The following GLIS3 variants were observed in gnomAD, a reference collection of about 807,000 sequenced individuals.
GLIS3 encodes zinc finger protein GLIS3.
In GLIS3, 53 loss-of-function variants were observed where a neutral mutation model predicts 78.6. The ratio of observed to expected loss-of-function variants is 0.67; its 90% CI spans 0.54 to 0.85. The LOEUF (loss-of-function observed/expected upper bound fraction) is 0.85. GLIS3 is among the 40% of genes least tolerant of loss of function. The pLI is 0.00. For synonymous variants in GLIS3, 684 were observed against 509.9 expected, an observed-to-expected ratio of 1.34 and a Z score of -4.60; for missense variants, 1,703 against 1,231.1, an observed-to-expected ratio of 1.38 and a Z score of -5.74.
the GLIS3 span, among the ~76,000 whole-genome samples, chr9:4,386,765 A>G: frequency 6.6e-6 from 1 of 152,186 alleles, no homozygotes; most frequent in African/African-American, 2.4e-5. Flanking sequence ...CCCAATGGAG[A>G]GGATATTCCT....
chr9:4,020,321 G>GT (rs1325059782), intron 4 of GLIS3, among the ~76,000 whole-genome samples: 3 of 151,974 alleles, frequency 2.0e-5, no homozygotes, highest in Non-Finnish European at 4.4e-5. Context: ...GTTTTGTTTT[G>GT]TTTTTTTCTT....
At chr9:3,892,726 T>C (rs1467131142) in intron 7 of GLIS3, among the ~76,000 whole-genome samples, 2 of 152,172 alleles carry the variant, frequency 1.3e-5, no homozygotes, top group Non-Finnish European at 1.5e-5. Flanking sequence ...TATGTTTTTC[T>C]TTCCTTGGAA....
chr9:4,417,070 A>G, the GLIS3 span, among the ~76,000 whole-genome samples: 1 of 152,170 alleles, frequency 6.6e-6, no homozygotes, highest in Non-Finnish European at 1.5e-5. Context: ...ACATGAGTTT[A>G]GAGTTTATCA....
At chr9:3,946,416 G>C (rs951961956) in intron 4 of GLIS3, among the ~76,000 whole-genome samples, 1 of 152,154 alleles carries the variant, frequency 6.6e-6, no homozygotes, top group Non-Finnish European at 1.5e-5. Context: ...GCTCATTAAG[G>C]CTTTTTAATT....
intron 2 of GLIS3, among the ~76,000 whole-genome samples, chr9:4,275,237 T>C (rs1488799586): frequency 6.6e-6 from 1 of 152,204 alleles, no homozygotes; most frequent in African/African-American, 2.4e-5. Context: ...AGGGGCCAAC[T>C]GTTGAAAAAA....
At chr9:3,932,932 A>C (rs1465976008) in intron 5 of GLIS3, 5 of 304,542 alleles carry the variant, frequency 1.6e-5, no homozygotes, top group Non-Finnish European at 2.6e-5. Context: ...ATTCAGAAAG[A>C]GAAAGGGAGA....
intron 2 of GLIS3, among the ~76,000 whole-genome samples, chr9:4,280,273 G>C (rs554583646): frequency 6.6e-6 from 1 of 152,326 alleles, no homozygotes; most frequent in East Asian, 1.9e-4. Flanking sequence ...TCCGCCCACC[G>C]TGGCATCCCA....
intron 4 of GLIS3, among the ~76,000 whole-genome samples, chr9:3,941,089 T>C (rs1013256645): frequency 6.6e-6 from 1 of 152,200 alleles, no homozygotes; most frequent in Non-Finnish European, 1.5e-5. Context: ...GATTCTGATA[T>C]TCTGATGAAC....
intron 4 of GLIS3, among the ~76,000 whole-genome samples, chr9:4,047,739 A>C (rs1282873881): frequency 1.3e-5 from 2 of 152,246 alleles, no homozygotes; most frequent in African/African-American, 4.8e-5. Context: ...ATGCCAGCAC[A>C]GAAAAGGGAA....
At chr9:3,989,305 G>A (rs1025723050) in intron 4 of GLIS3, among the ~76,000 whole-genome samples, 1 of 152,150 alleles carries the variant, frequency 6.6e-6, no homozygotes, top group East Asian at 1.9e-4. Flanking sequence ...TGACAGAAAT[G>A]TAAAAAGGTA....
At chr9:3,959,826 C>T (rs1232866706) in intron 4 of GLIS3, among the ~76,000 whole-genome samples, 1 of 152,164 alleles carries the variant, frequency 6.6e-6, no homozygotes, top group African/African-American at 2.4e-5. Context: ...TAGGGTGGAT[C>T]CTAATCCAAT....
At chr9:3,867,252 T>C (rs920359365) in intron 8 of GLIS3, among the ~76,000 whole-genome samples, 5 of 152,258 alleles carry the variant, frequency 3.3e-5, no homozygotes, top group African/African-American at 1.2e-4. Flanking sequence ...TTGCTGTTGT[T>C]ATTTTATCTT....
chr9:4,212,952 T>C (rs374841516), intron 2 of GLIS3, among the ~76,000 whole-genome samples: 16 of 152,252 alleles, frequency 1.1e-4, no homozygotes, highest in African/African-American at 3.9e-4. Context: ...TGGAGATGAA[T>C]GGAAGAAGCC....
chr9:4,311,380 G>C (rs1817353694), intron 2 of GLIS3, among the ~76,000 whole-genome samples: 1 of 152,226 alleles, frequency 6.6e-6, no homozygotes, highest in Admixed American at 6.5e-5. Flanking sequence ...CTACACTCCA[G>C]CCTAGGTGAC....
the GLIS3 span, among the ~76,000 whole-genome samples, chr9:4,426,327 T>C: frequency 5.9e-5 from 9 of 152,190 alleles, no homozygotes; most frequent in South Asian, 1.9e-3. Context: ...CCCCACCTCC[T>C]GCTCCAAAGG....
chr9:4,154,050 T>C lies in GLIS3; in HGVS notation c.389-28109A>G, dbSNP rs987270750. Among the ~76,000 whole-genome samples, 11 of 152,180 alleles carry C rather than the reference T, an allele frequency of 7.2e-5. 1 individual carries two copies. The South Asian group carries it at 2.3e-3, about 32-fold the overall frequency. On this transcript the variant is annotated intron_variant, in intron 2 of 10. Transcript: ENST00000381971. ...TCAGCTAGGAGCTACGCTGAGGCTG[T>C]CAATAAGAACACCAACACATGGCCT...
At chr9:4,393,173 G>A in the GLIS3 span, among the ~76,000 whole-genome samples, 4 of 152,022 alleles carry the variant, frequency 2.6e-5, no homozygotes, top group African/African-American at 9.7e-5. Flanking sequence ...TTCACTGGTT[G>A]CTTACATTTT....
intron 2 of GLIS3, among the ~76,000 whole-genome samples, chr9:4,187,226 T>C (rs1210631073): frequency 6.6e-6 from 1 of 152,258 alleles, no homozygotes; most frequent in Non-Finnish European, 1.5e-5. Flanking sequence ...CTGGCCAGTT[T>C]TCCCAAAACC....
chr9:3,869,105 CTG>C (rs1820802960), intron 8 of GLIS3, among the ~76,000 whole-genome samples: 1 of 152,188 alleles, frequency 6.6e-6, no homozygotes, highest in African/African-American at 2.4e-5. Context: ...GTCCAGCATA[CTG>C]CCTGGTATAT....
Sources: allele counts gnomAD v4.1 joint callset (sites outside exome capture counted in the v4.1 genomes callset), GRCh38; gene constraint gnomAD v4.1.1; transcripts MANE v1.5; gene names NCBI Gene and HGNC (gene_info 2026-07-23, HGNC 2026-07-21).